RAB10: variants seen among roughly 807,000 people sequenced by gnomAD.
The protein encoded by RAB10 is ras-related protein Rab-10.
In RAB10, 5 loss-of-function variants were observed where a neutral mutation model predicts 25.7. The observed-to-expected ratio is 0.19, with a 90% CI of 0.10 to 0.41. The LOEUF (loss-of-function observed/expected upper bound fraction) is 0.41, where lower values mean the gene tolerates loss of function less well. Among genes scored for constraint, RAB10 ranks in the 10% least tolerant of loss-of-function variants. The pLI is 1.00. For synonymous variants in RAB10, 89 were observed against 86.4 expected, an observed-to-expected ratio of 1.03 and a Z score of -0.16; for missense variants, 103 against 245.8, an observed-to-expected ratio of 0.42 and a Z score of 3.89.
chr2:26,080,437 T>C (rs1277235689), intron 1 of RAB10, among the ~76,000 whole-genome samples: 1 of 152,160 alleles, frequency 6.6e-6, no homozygotes, highest in Admixed American at 6.5e-5. Context: ...TGAAAGGATC[T>C]TCTCCAATAA....
chr2:26,076,011 T>C (rs909257922), intron 1 of RAB10, among the ~76,000 whole-genome samples: 65 of 152,276 alleles, frequency 4.3e-4, no homozygotes, highest in African/African-American at 1.3e-3. Context: ...GGCAGACATT[T>C]GGCTCACTAG....
intron 3 of RAB10, among the ~76,000 whole-genome samples, chr2:26,126,234 GT>G (rs1026719315): frequency 3.9e-5 from 6 of 152,032 alleles, no homozygotes; most frequent in African/African-American, 1.5e-4. Flanking sequence ...CTTTATGCCA[GT>G]TCCACACTTT....
At chr2:26,087,559 T>C (rs1268559059) in intron 1 of RAB10, among the ~76,000 whole-genome samples, 4 of 152,098 alleles carry the variant, frequency 2.6e-5, no homozygotes, top group Non-Finnish European at 4.4e-5. Context: ...CCTGCCACCA[T>C]GCCCAGCTAA....
chr2:26,052,740 A>G (rs186288909), intron 1 of RAB10, among the ~76,000 whole-genome samples: 41 of 152,208 alleles, frequency 2.7e-4, no homozygotes, highest in African/African-American at 9.1e-4. Context: ...TCTCATTCCC[A>G]TACTCCATTT....
intron 1 of RAB10, among the ~76,000 whole-genome samples, chr2:26,049,144 G>C (rs968636738): frequency 1.2e-4 from 17 of 147,494 alleles, no homozygotes. Flanking sequence ...ACCCTATTTT[G>C]AGTTATTTTT....
chr2:26,090,644 T>C (rs1396637176), intron 1 of RAB10, among the ~76,000 whole-genome samples: 1 of 152,066 alleles, frequency 6.6e-6, no homozygotes, highest in Non-Finnish European at 1.5e-5. Context: ...TTAATTGTTT[T>C]GATATCTGGC....
chr2:26,051,999 G>A (rs1186025138), intron 1 of RAB10, among the ~76,000 whole-genome samples: 1 of 151,846 alleles, frequency 6.6e-6, no homozygotes, highest in Non-Finnish European at 1.5e-5. Flanking sequence ...GGAGGTTGCA[G>A]TGAGCTGAGA....
At chr2:26,127,537 G>T (rs1559600160) in intron 4 of RAB10, among the ~76,000 whole-genome samples, 1 of 150,854 alleles carries the variant, frequency 6.6e-6, no homozygotes. Context: ...CAATTAGTAT[G>T]GTTCTAAAAT....
chr2:26,058,748 TTC>T (rs906058537), intron 1 of RAB10, among the ~76,000 whole-genome samples: 6 of 152,374 alleles, frequency 3.9e-5, no homozygotes, highest in African/African-American at 1.4e-4. Flanking sequence ...GTGTGGCATA[TTC>T]TCTCATTTCT....
At chr2:26,114,288 T>C (rs1018674738) in intron 3 of RAB10, among the ~76,000 whole-genome samples, 1 of 148,784 alleles carries the variant, frequency 6.7e-6, no homozygotes, top group Non-Finnish European at 1.5e-5. Context: ...GCCAAAATAA[T>C]CTTGAAAAGG....
At chr2:26,087,078 TTA>T (rs1455671456) in intron 1 of RAB10, among the ~76,000 whole-genome samples, 1 of 152,140 alleles carries the variant, frequency 6.6e-6, no homozygotes, top group Non-Finnish European at 1.5e-5. Context: ...ATTGTTCACT[TTA>T]TTTTTTCTTT....
chr2:26,115,311 A>G (rs537299803), intron 3 of RAB10, among the ~76,000 whole-genome samples: 300 of 65,628 alleles, frequency 4.6e-3, no homozygotes, highest in Admixed American at 7.2e-3. Context: ...ATTGTTCACA[A>G]TAGCCAAAAA....
intron 2 of RAB10, among the ~76,000 whole-genome samples, chr2:26,098,992 G>A (rs962570475): frequency 3.3e-5 from 5 of 152,144 alleles, no homozygotes; most frequent in Non-Finnish European, 7.4e-5. Flanking sequence ...AGTAACACCC[G>A]TCTCAATGGA....
intron 1 of RAB10, among the ~76,000 whole-genome samples, chr2:26,039,282 A>G (rs538098660): frequency 1.3e-5 from 2 of 152,016 alleles, no homozygotes; most frequent in East Asian, 3.9e-4. Flanking sequence ...TGGCCTCCCA[A>G]AATCCTGGGA....
intron 3 of RAB10, among the ~76,000 whole-genome samples, chr2:26,118,283 T>G (rs920960373): frequency 6.6e-6 from 1 of 151,836 alleles, no homozygotes. Context: ...AAGATGTTCT[T>G]TTAGCTCCAA....
chr2:26,072,054 A>G (rs963138123), intron 1 of RAB10, among the ~76,000 whole-genome samples: 1 of 100,676 alleles, frequency 9.9e-6, no homozygotes, highest in Non-Finnish European at 2.1e-5. Context: ...CAAATGACCA[A>G]TACATGCTGT....
chr2:26,128,698 T>C (rs1056646968), intron 5 of RAB10, among the ~76,000 whole-genome samples: 2 of 152,208 alleles, frequency 1.3e-5, no homozygotes, highest in African/African-American at 2.4e-5. Flanking sequence ...AAAGGGCGTG[T>C]ACATATTCTG....
At chr2:26,084,388 T>G (rs920057757) in intron 1 of RAB10, among the ~76,000 whole-genome samples, 31 of 152,194 alleles carry the variant, frequency 2.0e-4, no homozygotes, top group African/African-American at 7.2e-4. Context: ...CTACTGAAAC[T>G]CATGTTACTA....
At chr2:26,065,495 A>G (rs1195840943) in intron 1 of RAB10, among the ~76,000 whole-genome samples, 1 of 60,840 alleles carries the variant, frequency 1.6e-5, no homozygotes, top group African/African-American at 5.3e-5. Context: ...TCAAAACCTG[A>G]AGGTTTTTTT....
Sources: allele counts gnomAD v4.1 joint callset (sites outside exome capture counted in the v4.1 genomes callset), GRCh38; gene constraint gnomAD v4.1.1; transcripts MANE v1.5; gene names NCBI Gene and HGNC (gene_info 2026-07-23, HGNC 2026-07-21).